PIK3R1: variants seen among roughly 807,000 people sequenced by gnomAD.
PIK3R1 encodes phosphatidylinositol 3-kinase regulatory subunit alpha.
A neutral mutation model predicts 98.0 loss-of-function variants in PIK3R1; 29 were observed. That is an observed-to-expected ratio of 0.30 (90% CI 0.22 to 0.40). PIK3R1 has a LOEUF of 0.40. Ranked by LOEUF, PIK3R1 falls within the 10% of genes least tolerant of loss-of-function variation. The pLI is 1.00. For missense variants in PIK3R1, 596 were observed against 872.7 expected, an observed-to-expected ratio of 0.68 and a Z score of 3.99; for synonymous variants, 282 against 311.8, an observed-to-expected ratio of 0.90 and a Z score of 1.01.
At chr5:68,271,432 A>T (rs185413372) in intron 2 of PIK3R1, among the ~76,000 whole-genome samples, 3 of 152,328 alleles carry the variant, frequency 2.0e-5, no homozygotes, top group Admixed American at 2.0e-4. Flanking sequence ...GTCTTCAGGG[A>T]TAGCTTTAGA....
chr5:68,268,104 A>C (rs12697060), intron 2 of PIK3R1, among the ~76,000 whole-genome samples: 50,439 of 151,978 alleles, frequency 0.33, 9,943 homozygotes, highest in African/African-American at 0.56. Flanking sequence ...ATATTATTTA[A>C]TCCTTATTAC....
At chr5:68,260,196 T>C (rs1239467477) in intron 2 of PIK3R1, among the ~76,000 whole-genome samples, 1 of 152,132 alleles carries the variant, frequency 6.6e-6, no homozygotes, top group East Asian at 1.9e-4. Context: ...AATACCACAT[T>C]TTTGAGAATG....
chr5:68,254,253 T>A (rs1002120069), intron 2 of PIK3R1, among the ~76,000 whole-genome samples: 1 of 152,224 alleles, frequency 6.6e-6, no homozygotes, highest in African/African-American at 2.4e-5. Context: ...ACATATAAAC[T>A]GTTGAGATGT....
intron 4 of PIK3R1, among the ~76,000 whole-genome samples, 154 bp from the exon 5 acceptor site, chr5:68,279,448 G>A (rs1271945124): frequency 6.6e-6 from 1 of 151,970 alleles, no homozygotes; most frequent in Non-Finnish European, 1.5e-5. Flanking sequence ...AAGAAGTACG[G>A]CTAACGAATA....
rs150651884 is a variant in PIK3R1 at position 68,236,817 on chromosome 5, C to T, written c.334+9808C>T. ...ACATTCATGCAACTCCAGAAATTTACCTCCAATTTATATGTGACTTACAAC... is the reference window on the plus strand; with the variant it reads ...ACATTCATGCAACTCCAGAAATTTATCTCCAATTTATATGTGACTTACAAC... On this transcript the variant is annotated intron_variant, in intron 2 of 15. Coordinates refer to ENST00000521381, the MANE Select transcript of PIK3R1 (RefSeq NM_181523.3). 5.5e-3 allele frequency among the ~76,000 whole-genome samples: 832 copies of T among 152,224 alleles called. 6 individuals are homozygous for T. Among genetic ancestry groups the T allele is most frequent in the Non-Finnish European group, 9.0e-3 (609 of 68,016 alleles).
chr5:68,288,513 C>T, intron 7 of PIK3R1: 1 of 1,269,714 alleles, frequency 7.9e-7, no homozygotes, highest in Admixed American at 5.0e-5. Context: ...GGCGGAGGGA[C>T]GAGCCGAGCC....
intron 2 of PIK3R1, among the ~76,000 whole-genome samples, chr5:68,242,643 G>C (rs1421662521): frequency 6.6e-6 from 1 of 152,190 alleles, no homozygotes; most frequent in Non-Finnish European, 1.5e-5. Flanking sequence ...GCTGTGATGG[G>C]AGGTGGAAAT....
At chr5:68,235,916 G>T (rs1744648154) in intron 2 of PIK3R1, among the ~76,000 whole-genome samples, 1 of 150,172 alleles carries the variant, frequency 6.7e-6, no homozygotes, top group Admixed American at 6.6e-5. Flanking sequence ...TGTTGCCCAG[G>T]CTGGAGTGCA....
At chr5:68,230,702 G>T in intron 2 of PIK3R1, among the ~76,000 whole-genome samples, 1 of 152,172 alleles carries the variant, frequency 6.6e-6, no homozygotes, top group East Asian at 1.9e-4. Context: ...GAGTAGAGGG[G>T]CTGTCATGGT....
At chr5:68,280,751 T>C (rs753027567) in intron 6 of PIK3R1, 22 bp downstream of exon 6, 2 of 1,606,114 alleles carry the variant, frequency 1.2e-6, no homozygotes, top group South Asian at 2.2e-5. Context: ...GAGACAAACA[T>C]GTATTTTGGG....
chr5:68,229,441 T>G (rs900459911), intron 2 of PIK3R1, among the ~76,000 whole-genome samples: 1 of 152,228 alleles, frequency 6.6e-6, no homozygotes, highest in Non-Finnish European at 1.5e-5. Context: ...TTTTTTTCCT[T>G]TTAACACCCT....
Position 68,226,281 on chromosome 5 carries a change from C to T in PIK3R1, c.-386-9C>T. On this transcript the variant is annotated splice_polypyrimidine_tract_variant and intron_variant, in intron 1 of 15. Transcript: ENST00000521381. The stretch of plus-strand genomic sequence containing the variant: ...GTTCATTCTTAAGTCTCGTTTTTTT[C>T]ATTCCTAGGTGAAGCTCGTGTGTGG... 3 of 409,954 alleles carry T rather than the reference C, an allele frequency of 7.3e-6. No individual in the cohort carries two copies. The highest frequency in any genetic ancestry group is 1.3e-5 in the Non-Finnish European group (3 of 231,844). The allele number at this position is 409,954 out of a possible 1,614,324, so 25.4% of individuals were successfully genotyped here.
At chr5:68,237,673 A>G (rs1225575773) in intron 2 of PIK3R1, among the ~76,000 whole-genome samples, 1 of 152,094 alleles carries the variant, frequency 6.6e-6, no homozygotes, top group Non-Finnish European at 1.5e-5. Flanking sequence ...GCTTCTTGAG[A>G]GTCTCCGAGA....
intron 2 of PIK3R1, among the ~76,000 whole-genome samples, chr5:68,231,099 TA>T (rs1744454151): frequency 2.0e-5 from 3 of 152,180 alleles, no homozygotes; most frequent in Admixed American, 2.0e-4. Context: ...GATATGGGAA[TA>T]AAAATATATT....
chr5:68,259,362 G>A (rs76334969), intron 2 of PIK3R1, among the ~76,000 whole-genome samples: 2,190 of 152,188 alleles, frequency 0.014, 26 homozygotes, highest in Middle Eastern at 0.017. Context: ...ACTATTTACA[G>A]GGCACTGAAA....
At chr5:68,229,501 C>T (rs1304349770) in intron 2 of PIK3R1, among the ~76,000 whole-genome samples, 1 of 151,978 alleles carries the variant, frequency 6.6e-6, no homozygotes, top group Non-Finnish European at 1.5e-5. Flanking sequence ...GTGTTTATTG[C>T]ATTTAGAAGG....
At position 68,301,704 on chromosome 5, in the gene PIK3R1, T is replaced by C. The variant is rs766577341; in HGVS notation, c.*4103T>C. ...CAACTGGGGTGGGGGGTGGGGGTAGTGTGCCTCCTTGACATTTCGTTCAAG... is the reference window on the plus strand; with the variant it reads ...CAACTGGGGTGGGGGGTGGGGGTAGCGTGCCTCCTTGACATTTCGTTCAAG... On this transcript the variant is annotated 3_prime_UTR_variant, in exon 16 of 16. Coordinates refer to ENST00000521381, the MANE Select transcript of PIK3R1 (RefSeq NM_181523.3). 22 of 155,466 alleles carry C rather than the reference T, an allele frequency of 1.4e-4. No homozygotes were observed. Among genetic ancestry groups the C allele is most frequent in the Middle Eastern group, 2.9e-3 (1 of 348 alleles). 9.6% of individuals were successfully genotyped at this position (155,466 alleles called of 1,614,324 possible). A position where few individuals can be genotyped will look rare whatever the true frequency, so the allele number is the denominator to read the frequency against.
chr5:68,246,544 C>A (rs963387239), intron 2 of PIK3R1, among the ~76,000 whole-genome samples: 3 of 152,188 alleles, frequency 2.0e-5, no homozygotes, highest in African/African-American at 7.2e-5. Context: ...AACGCCTGAC[C>A]TCAAACGGTC....
chr5:68,288,609 G>A (rs996564014), intron 7 of PIK3R1: 4 of 1,562,962 alleles, frequency 2.6e-6, no homozygotes, highest in African/African-American at 1.4e-5. Context: ...CGCCGGACAC[G>A]AGCACTGCCT....
Sources: gnomAD v4.1 joint callset for allele counts (sites outside exome capture counted in the v4.1 genomes callset) on GRCh38, gnomAD v4.1.1 for gene constraint, MANE v1.5 for transcripts, NCBI Gene and HGNC (gene_info 2026-07-23, HGNC 2026-07-21) for gene names.